DOCK1: variants seen among roughly 807,000 people sequenced by gnomAD.
DOCK1 encodes the protein dedicator of cytokinesis 1.
Under a neutral mutation model 262.7 loss-of-function variants are expected in DOCK1, and 138 were observed. That is an observed-to-expected ratio of 0.53 (90% CI 0.46 to 0.61). The LOEUF (loss-of-function observed/expected upper bound fraction) is 0.61. Ranked by LOEUF, DOCK1 falls within the 20% of genes least tolerant of loss-of-function variation. The pLI is 0.00. For synonymous variants in DOCK1, 866 were observed against 867.4 expected, an observed-to-expected ratio of 1.00 and a Z score of 0.03; for missense variants, 1,908 against 2,370.7, an observed-to-expected ratio of 0.80 and a Z score of 4.05.
At chr10:127,127,648 C>T in intron 26 of DOCK1, 21 bp from the exon 27 acceptor site, 1 of 1,592,522 alleles carries the variant, frequency 6.3e-7, no homozygotes, top group African/African-American at 1.3e-5. Flanking sequence ...TGTTGGTGTT[C>T]ATTGGTGTGT....
chr10:126,997,427 T>C (rs556539648), intron 7 of DOCK1, among the ~76,000 whole-genome samples: 36 of 152,160 alleles, frequency 2.4e-4, no homozygotes, highest in Admixed American at 1.6e-3. Flanking sequence ...AGGAATCTTA[T>C]AATTATGGTG....
At chr10:127,354,893 A>AGAAG (rs1414645222) in intron 32 of DOCK1, among the ~76,000 whole-genome samples, 166 bp downstream of exon 32, 4 of 152,256 alleles carry the variant, frequency 2.6e-5, no homozygotes, top group Non-Finnish European at 5.9e-5. Context: ...ATTAAGAGAT[A>AGAAG]GAAGACCAAA....
chr10:126,945,472 G>GGA (rs1246507350), intron 1 of DOCK1, among the ~76,000 whole-genome samples: 1,953 of 149,516 alleles, frequency 0.013, 39 homozygotes, highest in African/African-American at 0.045. Context: ...AGAGAGAGAG[G>GGA]GAGAGAGAGA....
intron 27 of DOCK1, among the ~76,000 whole-genome samples, chr10:127,201,785 A>T (rs951351029): frequency 6.6e-6 from 1 of 152,154 alleles, no homozygotes; most frequent in Non-Finnish European, 1.5e-5. Context: ...CTCCTGGGGA[A>T]TGAAACAGAA....
chr10:127,363,031 G>A (rs12776032), intron 33 of DOCK1, among the ~76,000 whole-genome samples: 26 of 66,134 alleles, frequency 3.9e-4, no homozygotes, highest in East Asian at 7.6e-4. Flanking sequence ...ACACACACAT[G>A]CACCTCCCCC....
intron 25 of DOCK1, among the ~76,000 whole-genome samples, chr10:127,117,498 ATAAAT>A (rs1299923237): frequency 8.5e-5 from 13 of 152,248 alleles, no homozygotes; most frequent in African/African-American, 2.9e-4. Flanking sequence ...AAACATACAA[ATAAAT>A]TAAATGTATA....
chr10:127,054,459 A>G (rs1053232376), intron 22 of DOCK1, among the ~76,000 whole-genome samples: 8 of 152,184 alleles, frequency 5.3e-5, no homozygotes, highest in African/African-American at 1.7e-4. Context: ...TTTGCTTATT[A>G]TGGATATGCA....
Position 127,397,809 on chromosome 10 carries a change from A to T in DOCK1, c.3928-5246A>T, listed in dbSNP as rs576628611. ...TGACTCCTGTATGACACGGGCAGTG[A>T]CTCCTGTATGACCCGGGCAGCGACT... On this transcript the variant is annotated intron_variant, in intron 38 of 51. Coordinates refer to ENST00000623213, the MANE Select transcript of DOCK1 (RefSeq NM_001290223.2). Among the ~76,000 whole-genome samples the T allele has an allele frequency of 1.4e-3, 193 of 142,182 alleles. 1 individual carries two copies. Among genetic ancestry groups the T allele is most frequent in the African/African-American group, 5.2e-3 (186 of 35,922 alleles). The allele number at this position is 142,182 out of a possible 152,430, so 93.3% of individuals were successfully genotyped here.
rs138964013 is a variant in DOCK1 at position 127,114,380 on chromosome 10, T to C, written c.2623+4026T>C. ...AAAGGTTTGGATTCACATGGGGAAA[T>C]TGGCAATCTTTCCTTGTCTTAGCAT... On this transcript the variant is annotated intron_variant, in intron 25 of 51. Transcript: ENST00000623213. 7.2e-5 allele frequency among the ~76,000 whole-genome samples: 11 copies of C among 152,228 alleles called. No individual in the cohort carries two copies. The East Asian group carries it at 1.9e-3, about 27-fold the overall frequency.
At chr10:127,373,376 C>A (rs2065311786) in intron 33 of DOCK1, among the ~76,000 whole-genome samples, 1 of 152,166 alleles carries the variant, frequency 6.6e-6, no homozygotes, top group Non-Finnish European at 1.5e-5. Flanking sequence ...GAGAACTCTT[C>A]ACTGGCAGGG....
At chr10:127,407,531 AT>A (rs1205392367) in intron 40 of DOCK1, among the ~76,000 whole-genome samples, 1 of 152,234 alleles carries the variant, frequency 6.6e-6, no homozygotes, top group Non-Finnish European at 1.5e-5. Flanking sequence ...GCAGGGATCA[AT>A]TGATTCAGTG....
intron 27 of DOCK1, chr10:127,192,521 A>C (rs796868009): frequency 1.3e-5 from 2 of 152,202 alleles, no homozygotes; most frequent in Non-Finnish European, 2.9e-5. Context: ...ATACACCTCA[A>C]AGTCCCTCAA....
chr10:127,239,189 T>C (rs72836424), intron 27 of DOCK1, among the ~76,000 whole-genome samples: 12,981 of 152,246 alleles, frequency 0.085, 596 homozygotes, highest in East Asian at 0.13. Context: ...TGGTAGCTTA[T>C]GTAGTTGTAA....
chr10:127,339,220 T>C lies in DOCK1; in HGVS notation c.3123+136T>C, dbSNP rs2063321554. ...ATCCAAGATGCGGAAACGGAATTTG[T>C]AGTATGTACTATTGGAACCTGAGGA... On this transcript the variant is annotated intron_variant, in intron 30 of 51. Transcript: ENST00000623213. 9.6e-6 allele frequency: 7 copies of C among 732,966 alleles called. No individual in the cohort carries two copies. In the South Asian group the frequency reaches 1.2e-4, roughly 12 times the overall value. 45.4% of individuals were successfully genotyped at this position (732,966 alleles called of 1,614,324 possible). A position where few individuals can be genotyped will look rare whatever the true frequency, so the allele number is the denominator to read the frequency against.
chr10:127,395,855 A>G (rs557989091), intron 38 of DOCK1, among the ~76,000 whole-genome samples: 93 of 152,360 alleles, frequency 6.1e-4, no homozygotes, highest in African/African-American at 2.1e-3. Flanking sequence ...TGGGGCACCC[A>G]CTGGCCTAGA....
Position 127,142,698 on chromosome 10 carries a change from C to T in DOCK1, c.2847+14934C>T, listed in dbSNP as rs149365573. ...TAGGGATTTACCTTTGTAGCCCTCT[C>T]GCTGCCTGCACCTCCATTCTCCCTC... On this transcript the variant is annotated intron_variant, in intron 27 of 51. Coordinates refer to ENST00000623213, the MANE Select transcript of DOCK1 (RefSeq NM_001290223.2). Among the ~76,000 whole-genome samples, 510 of 152,252 alleles carry T rather than the reference C, an allele frequency of 3.3e-3. 1 individual carries two copies. Among genetic ancestry groups the T allele is most frequent in the African/African-American group, 0.012 (501 of 41,526 alleles).
chr10:127,384,279 A>G (rs1012636903), intron 37 of DOCK1, among the ~76,000 whole-genome samples: 2 of 152,142 alleles, frequency 1.3e-5, no homozygotes, highest in Admixed American at 1.3e-4. Context: ...TACTGGCCAA[A>G]CCCTGACTCT....
At chr10:127,113,925 A>T (rs948347221) in intron 25 of DOCK1, among the ~76,000 whole-genome samples, 1 of 152,202 alleles carries the variant, frequency 6.6e-6, no homozygotes, top group African/African-American at 2.4e-5. Context: ...TCTCTGCTGG[A>T]AACATCCTTA....
chr10:127,280,395 A>G (rs1056452470), intron 29 of DOCK1, among the ~76,000 whole-genome samples: 1 of 152,162 alleles, frequency 6.6e-6, no homozygotes, highest in African/African-American at 2.4e-5. Context: ...ATGCCCTGGT[A>G]GTGAACATTT....
Sources: gnomAD v4.1 joint callset for allele counts (sites outside exome capture counted in the v4.1 genomes callset) on GRCh38, gnomAD v4.1.1 for gene constraint, MANE v1.5 for transcripts, NCBI Gene and HGNC (gene_info 2026-07-23, HGNC 2026-07-21) for gene names.